The following LRP2 variants were observed in gnomAD, a reference collection of about 807,000 sequenced individuals.
The protein encoded by LRP2 is LDL receptor related protein 2.
In LRP2, 172 loss-of-function variants were observed where a neutral mutation model predicts 531.0. The ratio of observed to expected loss-of-function variants is 0.32; its 90% CI spans 0.29 to 0.37. The LOEUF is 0.37. Among genes scored for constraint, LRP2 ranks in the 10% least tolerant of loss-of-function variants. The pLI is 1.00. For missense variants in LRP2, 5,167 were observed against 5,868.3 expected, an observed-to-expected ratio of 0.88 and a Z score of 3.90; for synonymous variants, 1,992 against 2,027.6, an observed-to-expected ratio of 0.98 and a Z score of 0.47.
chr2:169,318,984 T>C (rs2105513514), intron 2 of LRP2, 100 bp from the exon 3 acceptor site: 1 of 1,462,162 alleles, frequency 6.8e-7, no homozygotes, highest in Non-Finnish European at 9.4e-7. Context: ...AAACTCCTGC[T>C]CAATTTATTT....
intron 33 of LRP2, among the ~76,000 whole-genome samples, chr2:169,224,477 A>G (rs1689128911): frequency 6.6e-6 from 1 of 152,232 alleles, no homozygotes; most frequent in African/African-American, 2.4e-5. Context: ...AGAAGAGAGT[A>G]TCAAAGGAAT....
intron 31 of LRP2, among the ~76,000 whole-genome samples, chr2:169,230,331 G>A (rs955461105): frequency 6.6e-6 from 1 of 152,220 alleles, no homozygotes; most frequent in Non-Finnish European, 1.5e-5. Flanking sequence ...AAAATGGCAA[G>A]TGCCAGTCCC....
chr2:169,359,778 C>T (rs1686094451), intron 1 of LRP2, among the ~76,000 whole-genome samples: 1 of 151,992 alleles, frequency 6.6e-6, no homozygotes, highest in African/African-American at 2.4e-5. Context: ...CTTTGGGAAC[C>T]TCAAACATGG....
chr2:169,146,278 G>GA (rs1378061226), intron 69 of LRP2, among the ~76,000 whole-genome samples: 1 of 152,048 alleles, frequency 6.6e-6, no homozygotes, highest in Non-Finnish European at 1.5e-5. Context: ...GACCAAATAG[G>GA]AAAAATGTGA....
intron 33 of LRP2, 40 bp from the exon 34 acceptor site, chr2:169,220,603 G>T: frequency 7.2e-7 from 1 of 1,388,994 alleles, no homozygotes; most frequent in South Asian, 1.2e-5. Context: ...ACTTTCATAA[G>T]GGGAACCAAA....
chr2:169,228,659 G>A (rs1029331344), intron 31 of LRP2, among the ~76,000 whole-genome samples: 1 of 152,142 alleles, frequency 6.6e-6, no homozygotes, highest in East Asian at 1.9e-4. Context: ...GCTTCCTGGG[G>A]ATCATGTCTC....
intron 11 of LRP2, 108 bp downstream of exon 11, chr2:169,280,242 T>C: frequency 1.6e-6 from 2 of 1,257,094 alleles, no homozygotes; most frequent in Non-Finnish European, 2.3e-6. Flanking sequence ...CTCAAGGGCC[T>C]TTTTTGTTAG....
At position 169,242,295 on chromosome 2, in the gene LRP2, G is replaced by A. The variant is rs535979414; in HGVS notation, c.3667+661C>T. On this transcript the variant is annotated intron_variant, in intron 24 of 78. Coordinates refer to ENST00000649046, the MANE Select transcript of LRP2 (RefSeq NM_004525.3). ...AAAAAGTGGGCAAATAACAAATCAT[G>A]TGAGTATAGGTTTCCAGTCTGTGAA... Among the ~76,000 whole-genome samples the A allele has an allele frequency of 7.2e-5, 11 of 152,302 alleles. No individual in the cohort carries two copies. The South Asian group carries it at 2.3e-3, about 32-fold the overall frequency.
chr2:169,202,301 G>A (rs1459650810), intron 43 of LRP2, among the ~76,000 whole-genome samples: 2 of 152,180 alleles, frequency 1.3e-5, no homozygotes, highest in Non-Finnish European at 2.9e-5. Context: ...AGGATTGGAA[G>A]TTATTTTCAT....
rs1423836845 is a variant in LRP2 at position 169,185,852 on chromosome 2, T to G, written c.9496A>C (p.Lys3166Gln). Reference sequence around the variant, plus strand: ...TAGGAGCCTATTACATTCTCACACTTCTGGCTACAGACAAAAGGCATCTCT... The same window carrying G: ...TAGGAGCCTATTACATTCTCACACTGCTGGCTACAGACAAAAGGCATCTCT... The part of the protein sequence containing the change: ...CTEMPFVCSQ[K>Q]CENVIGSYIC... The change falls in exon 50 of 79, where the codon AAG (lysine) becomes CAG (glutamine). Residue 3166 changes from lysine (K) to glutamine (Q), a missense_variant. By Grantham distance (53) the Lys-to-Gln change is moderately conservative. Coordinates refer to ENST00000649046, the MANE Select transcript of LRP2 (RefSeq NM_004525.3). 6.2e-7 allele frequency: 1 copy of G among 1,613,842 alleles called. No individual in the cohort carries two copies. Among genetic ancestry groups the G allele is most frequent in the Non-Finnish European group, 8.5e-7 (1 of 1,179,998 alleles).
chr2:169,181,612 G>C lies in LRP2; in HGVS notation c.10005C>G (p.Leu3335=), dbSNP rs1049500552. Residue 3335 remains leucine, a synonymous_variant, in exon 52 of 79, where the codon CTC becomes CTG. Coordinates refer to ENST00000649046, the MANE Select transcript of LRP2 (RefSeq NM_004525.3). ...GLALHPQYGY[L]YWADWGHRAY... ...CGCGGTGACCCCAGTCTGCCCAGTA[G>C]AGGTACCTGTCAGGGCAAACACAAA... 1.2e-6 allele frequency: 2 copies of C among 1,613,964 alleles called. No homozygotes were observed. The highest frequency in any genetic ancestry group is 1.7e-6 in the Non-Finnish European group (2 of 1,180,008).
At chr2:169,186,942 A>G (rs1687654535) in intron 49 of LRP2, among the ~76,000 whole-genome samples, 1 of 152,264 alleles carries the variant, frequency 6.6e-6, no homozygotes, top group Non-Finnish European at 1.5e-5. Context: ...TGATTTTTGT[A>G]TAAATGTATA....
intron 16 of LRP2, among the ~76,000 whole-genome samples, chr2:169,266,986 C>G (rs1427801212): frequency 6.8e-6 from 1 of 148,084 alleles, no homozygotes; most frequent in African/African-American, 2.5e-5. Flanking sequence ...CTCCTGGGCT[C>G]AAACAATCCT....
chr2:169,273,507 A>G (rs1683476614), intron 14 of LRP2, among the ~76,000 whole-genome samples: 5 of 152,176 alleles, frequency 3.3e-5, no homozygotes, highest in Admixed American at 3.3e-4. Context: ...TAGTCCTCCA[A>G]TTTTACAGAG....
chr2:169,259,429 G>A (rs1002505938), intron 16 of LRP2, among the ~76,000 whole-genome samples: 13 of 151,162 alleles, frequency 8.6e-5, no homozygotes, highest in African/African-American at 2.7e-4. Flanking sequence ...CTCAAACTTT[G>A]GATCTCAAAG....
In LRP2 at chr2:169,246,403, G is replaced by C. The variant is rs374270411; in HGVS notation, c.3190+302C>G. Among the ~76,000 whole-genome samples the C allele has an allele frequency of 7.9e-5, 12 of 152,012 alleles. No individual in the cohort carries two copies. The East Asian group carries it at 1.2e-3, about 15-fold the overall frequency. On this transcript the variant is annotated intron_variant, in intron 21 of 78. Transcript: ENST00000649046. ...GAGCCACCTTGCCTGGTCAGATCTA[G>C]TTTATTTCGATTTGACTTTTTGAGG... is the stretch of plus-strand genomic sequence containing the variant.
chr2:169,354,533 C>T (rs553308422), intron 1 of LRP2, among the ~76,000 whole-genome samples: 111 of 152,304 alleles, frequency 7.3e-4, no homozygotes, highest in Non-Finnish European at 1.1e-3. Context: ...AAAAGTGAAA[C>T]TTCAAATTGT....
chr2:169,277,036 A>T lies in LRP2; in HGVS notation c.1772+709T>A, dbSNP rs143489710. Among the ~76,000 whole-genome samples, 208 of 152,118 alleles carry T rather than the reference A, an allele frequency of 1.4e-3. 1 individual carries two copies. The highest frequency in any genetic ancestry group is 4.8e-3 in the African/African-American group (198 of 41,498). On this transcript the variant is annotated intron_variant, in intron 13 of 78. Coordinates refer to ENST00000649046, the MANE Select transcript of LRP2 (RefSeq NM_004525.3). ...ACGGTGAAATTTTATCTCTACTAAAAATACAAAAATTGCCAGGCATGGTGG... is the reference window on the plus strand; with the variant it reads ...ACGGTGAAATTTTATCTCTACTAAATATACAAAAATTGCCAGGCATGGTGG...
chr2:169,328,222 C>T (rs1265556866), intron 1 of LRP2, among the ~76,000 whole-genome samples: 1 of 118,722 alleles, frequency 8.4e-6, no homozygotes, highest in Admixed American at 7.9e-5. Context: ...CCAGCCGCCC[C>T]GTCCGGGAGG....
Sources: gnomAD v4.1 joint callset for allele counts (sites outside exome capture counted in the v4.1 genomes callset) on GRCh38, gnomAD v4.1.1 for gene constraint, MANE v1.5 for transcripts, NCBI Gene and HGNC (gene_info 2026-07-23, HGNC 2026-07-21) for gene names.